The following EXOC6B variants were observed in gnomAD, a reference collection of about 807,000 sequenced individuals.
EXOC6B encodes exocyst complex component 6B.
In EXOC6B, 54 loss-of-function variants were observed where a neutral mutation model predicts 113.5. The observed-to-expected ratio is 0.48, with a 90% CI of 0.38 to 0.60. The LOEUF is 0.60. Among genes scored for constraint, EXOC6B ranks in the 20% least tolerant of loss-of-function variants. The pLI, the probability that EXOC6B is intolerant of heterozygous loss-of-function variation, is 0.00. For synonymous variants in EXOC6B, 357 were observed against 339.0 expected (o/e 1.05, Z -0.58); for missense variants, 797 against 977.5 (o/e 0.82, Z 2.46).
At chr2:72,472,164 T>C (rs1342736172) in intron 17 of EXOC6B, among the ~76,000 whole-genome samples, 1 of 152,182 alleles carries the variant, frequency 6.6e-6, no homozygotes, top group Non-Finnish European at 1.5e-5. Flanking sequence ...AGAATATTGG[T>C]CTGTAGTTTT....
intron 19 of EXOC6B, among the ~76,000 whole-genome samples, chr2:72,368,302 A>G (rs1471404453): frequency 6.6e-6 from 1 of 152,196 alleles, no homozygotes; most frequent in Non-Finnish European, 1.5e-5. Context: ...CACACTCCCA[A>G]GACTAAACCA....
At chr2:72,686,232 A>G (rs915237108) in intron 6 of EXOC6B, among the ~76,000 whole-genome samples, 1 of 152,224 alleles carries the variant, frequency 6.6e-6, no homozygotes, top group African/African-American at 2.4e-5. Context: ...GAAGTTTGGT[A>G]AAGTGGATTT....
chr2:72,432,591 T>C (rs1695604833), intron 18 of EXOC6B, among the ~76,000 whole-genome samples: 1 of 152,158 alleles, frequency 6.6e-6, no homozygotes. Context: ...GCATCTGTTG[T>C]TTCCTGACTT....
chr2:72,426,205 T>G (rs902874455), intron 18 of EXOC6B, among the ~76,000 whole-genome samples: 14 of 152,172 alleles, frequency 9.2e-5, no homozygotes, highest in Non-Finnish European at 7.4e-5. Context: ...TAATGTGGTT[T>G]TAATTATTTT....
chr2:72,205,733 T>C (rs1679803000), intron 20 of EXOC6B, among the ~76,000 whole-genome samples: 1 of 152,162 alleles, frequency 6.6e-6, no homozygotes, highest in Admixed American at 6.5e-5. Context: ...TGGCTTAGCT[T>C]AGCTCTGACT....
At position 72,498,605 on chromosome 2, in the gene EXOC6B, G is replaced by GTT; in HGVS notation, c.1240-55_1240-54insAA. The stretch of plus-strand genomic sequence containing the variant: ...TGTCTAAGGAAGGAGTTTTTTTTTC[G>GTT]GTTTTTTTTTTTTTTGGCAAAATGA... On this transcript the variant is annotated intron_variant, in intron 12 of 21. Transcript: ENST00000272427. The GTT allele has an allele frequency of 1.3e-5, 15 of 1,172,890 alleles. No homozygotes were observed. In the East Asian group the frequency reaches 3.1e-4, roughly 24 times the overall value. The allele number at this position is 1,172,890 out of a possible 1,614,324, so 72.7% of individuals were successfully genotyped here.
chr2:72,671,871 GGAAT>G lies in EXOC6B; in HGVS notation c.669+46228_669+46231del, dbSNP rs1275273539. On this transcript the variant is annotated intron_variant, in intron 6 of 21. Coordinates refer to ENST00000272427, the MANE Select transcript of EXOC6B (RefSeq NM_015189.3). Reference sequence around the variant, plus strand: ...GAGGGAGGAAGAAGGAAGGAAGAAAGGAATGAAGGAAGGAAGGAAGGAAAAGAAA... The same window carrying G: ...GAGGGAGGAAGAAGGAAGGAAGAAAGGAAGGAAGGAAGGAAGGAAAAGAAA... Among the ~76,000 whole-genome samples the G allele has an allele frequency of 2.1e-5, 3 of 145,408 alleles. No homozygotes were observed. In the East Asian group the frequency reaches 6.0e-4, roughly 29 times the overall value.
chr2:72,540,566 A>G (rs775875477), intron 8 of EXOC6B, among the ~76,000 whole-genome samples: 1 of 152,206 alleles, frequency 6.6e-6, no homozygotes, highest in Non-Finnish European at 1.5e-5. Flanking sequence ...ACCACAGAAT[A>G]AAATTTCTGA....
intron 20 of EXOC6B, among the ~76,000 whole-genome samples, chr2:72,216,198 C>A (rs1447712441): frequency 6.6e-6 from 1 of 151,878 alleles, no homozygotes; most frequent in African/African-American, 2.4e-5. Context: ...TAAGATGAAG[C>A]ACAAAGGGAA....
chr2:72,545,109 A>T (rs1354441155), intron 8 of EXOC6B, among the ~76,000 whole-genome samples: 2 of 152,140 alleles, frequency 1.3e-5, no homozygotes, highest in African/African-American at 2.4e-5. Flanking sequence ...CAAGATTTAA[A>T]ATAGAATCAA....
chr2:72,583,732 G>T (rs892361468), intron 6 of EXOC6B, among the ~76,000 whole-genome samples: 1 of 151,260 alleles, frequency 6.6e-6, no homozygotes, highest in African/African-American at 2.4e-5. Flanking sequence ...TTTTGTTTTT[G>T]TTTTTTTTGA....
intron 8 of EXOC6B, among the ~76,000 whole-genome samples, chr2:72,527,249 T>G (rs1226878555): frequency 6.6e-6 from 1 of 152,036 alleles, no homozygotes; most frequent in Admixed American, 6.5e-5. Flanking sequence ...GTTACACTTT[T>G]TAAGTTATTT....
At chr2:72,329,147 C>T (rs1688295610) in intron 20 of EXOC6B, among the ~76,000 whole-genome samples, 1 of 151,994 alleles carries the variant, frequency 6.6e-6, no homozygotes, top group Non-Finnish European at 1.5e-5. Context: ...AAAAACTTTC[C>T]CCTGCTACCT....
intron 3 of EXOC6B, 73 bp from the exon 4 acceptor site, chr2:72,731,318 ACT>A: frequency 2.6e-6 from 3 of 1,138,580 alleles, no homozygotes; most frequent in Non-Finnish European, 3.9e-6. Flanking sequence ...ATTTTTCCAC[ACT>A]GTGTTCAATT....
At chr2:72,524,972 C>T (rs1701683463) in intron 8 of EXOC6B, among the ~76,000 whole-genome samples, 1 of 152,154 alleles carries the variant, frequency 6.6e-6, no homozygotes, top group East Asian at 1.9e-4. Flanking sequence ...AGAGTAGAGG[C>T]AGTCTGATGT....
At chr2:72,373,130 G>A (rs1056309072) in intron 19 of EXOC6B, among the ~76,000 whole-genome samples, 6 of 147,548 alleles carry the variant, frequency 4.1e-5, no homozygotes, top group South Asian at 4.4e-4. Context: ...AATGGCGCAC[G>A]CAGTCTCAGC....
At chr2:72,445,811 A>G (rs529553751) in intron 18 of EXOC6B, among the ~76,000 whole-genome samples, 1 of 152,198 alleles carries the variant, frequency 6.6e-6, no homozygotes, top group East Asian at 1.9e-4. Context: ...CCATATCACA[A>G]CCCCATTAAG....
At chr2:72,677,811 C>G (rs1164861935) in intron 6 of EXOC6B, among the ~76,000 whole-genome samples, 3 of 152,134 alleles carry the variant, frequency 2.0e-5, no homozygotes, top group Non-Finnish European at 4.4e-5. Context: ...ACATTTAGAA[C>G]AGAATTGAAG....
intron 20 of EXOC6B, among the ~76,000 whole-genome samples, chr2:72,267,166 T>C (rs1684157775): frequency 2.0e-5 from 3 of 152,318 alleles, no homozygotes; most frequent in Middle Eastern, 3.4e-3. Flanking sequence ...GCTGAGACGA[T>C]GCGGTTTTCT....
Sources: allele counts gnomAD v4.1 joint callset (sites outside exome capture counted in the v4.1 genomes callset), GRCh38; gene constraint gnomAD v4.1.1; transcripts MANE v1.5; gene names NCBI Gene and HGNC (gene_info 2026-07-23, HGNC 2026-07-21).